Variants in ATXN7 observed in about 807,000 individuals in gnomAD.
The protein encoded by ATXN7 is ataxin 7.
ATXN7 carries 12 observed loss-of-function variants against 70.5 expected under a neutral mutation model. That is an observed-to-expected ratio of 0.17 (90% CI 0.11 to 0.28). The LOEUF (loss-of-function observed/expected upper bound fraction) is 0.28. Among genes scored for constraint, ATXN7 ranks in the 10% least tolerant of loss-of-function variants. The pLI, the probability that ATXN7 is intolerant of heterozygous loss-of-function variation, is 1.00. For synonymous variants in ATXN7, 498 were observed against 448.7 expected (o/e 1.11, Z -1.39); for missense variants, 1,256 against 1,131.7 (o/e 1.11, Z -1.58).
chr3:63,888,621 A>G (rs926954388), intron 1 of ATXN7, among the ~76,000 whole-genome samples: 1 of 152,136 alleles, frequency 6.6e-6, no homozygotes, highest in African/African-American at 2.4e-5. Flanking sequence ...TACTAAAAAT[A>G]CAAAAATAGC....
chr3:63,886,586 C>A (rs1003744315), intron 1 of ATXN7, among the ~76,000 whole-genome samples: 2 of 152,146 alleles, frequency 1.3e-5, no homozygotes, highest in Non-Finnish European at 2.9e-5. Flanking sequence ...ACTATACTTA[C>A]ATAAGAGGTT....
chr3:63,937,748 T>A (rs1575922400), intron 4 of ATXN7, among the ~76,000 whole-genome samples: 1 of 152,196 alleles, frequency 6.6e-6, no homozygotes, highest in East Asian at 1.9e-4. Context: ...GGTTAGGGAC[T>A]GGGATCAGGA....
At chr3:63,949,617 C>T (rs755423858) in intron 4 of ATXN7, among the ~76,000 whole-genome samples, 53 of 152,148 alleles carry the variant, frequency 3.5e-4, no homozygotes, top group African/African-American at 6.3e-4. Context: ...ATGCTGGTCT[C>T]GAACTCCTGA....
intron 4 of ATXN7, among the ~76,000 whole-genome samples, chr3:63,918,460 C>T (rs950877979): frequency 6.6e-6 from 1 of 152,132 alleles, no homozygotes; most frequent in Non-Finnish European, 1.5e-5. Flanking sequence ...TTGAAACATA[C>T]AAAGTAGAGA....
chr3:63,892,491 A>ACC (rs1553684086), intron 1 of ATXN7, among the ~76,000 whole-genome samples: 33 of 148,532 alleles, frequency 2.2e-4, no homozygotes, highest in African/African-American at 8.1e-4. Flanking sequence ...ACACACACAC[A>ACC]CACCCACACA....
At chr3:63,885,058 G>A (rs1027962643) in intron 1 of ATXN7, among the ~76,000 whole-genome samples, 1 of 152,038 alleles carries the variant, frequency 6.6e-6, no homozygotes, top group African/African-American at 2.4e-5. Flanking sequence ...CATTGGCCTG[G>A]GCAGTGACTT....
intron 1 of ATXN7, among the ~76,000 whole-genome samples, chr3:63,874,222 G>A (rs1159664432): frequency 6.6e-6 from 1 of 152,196 alleles, no homozygotes. Flanking sequence ...TTTATCCAGT[G>A]CATAGTGATC....
At chr3:63,875,631 T>C (rs1702728172) in intron 1 of ATXN7, among the ~76,000 whole-genome samples, 1 of 152,200 alleles carries the variant, frequency 6.6e-6, no homozygotes, top group African/African-American at 2.4e-5. Flanking sequence ...TCTGGCCTTT[T>C]TTATTTCTTT....
At chr3:63,923,959 G>T (rs963660143) in intron 4 of ATXN7, among the ~76,000 whole-genome samples, 1 of 152,140 alleles carries the variant, frequency 6.6e-6, no homozygotes, top group Non-Finnish European at 1.5e-5. Context: ...ATAGTTGGTG[G>T]TTAGGGGTAG....
Position 63,988,160 on chromosome 3 carries a change from T to G in ATXN7, c.1197T>G (p.Ile399Met). The G allele has an allele frequency of 2.5e-6, 4 of 1,614,070 alleles. No individual in the cohort carries two copies. Among genetic ancestry groups the G allele is most frequent in the Non-Finnish European group, 3.4e-6 (4 of 1,180,014 alleles). ...ACAAAACCAGGGAAAAGGAATTGAT[T>G]CGCCATCCGGACTCTCAGCAACCAC... ...HKNKTREKELIRHPDSQQPPQ... is the reference protein window; with the variant it reads ...HKNKTREKELMRHPDSQQPPQ... Residue 399 changes from isoleucine (I) to methionine (M), a missense_variant, in exon 9 of 13, where the codon ATT becomes ATG. Transcript: ENST00000674280.
At chr3:63,907,024 A>G (rs150409387) in intron 2 of ATXN7, among the ~76,000 whole-genome samples, 141 of 152,390 alleles carry the variant, frequency 9.3e-4, no homozygotes, top group African/African-American at 3.2e-3. Flanking sequence ...GTCTGATAGT[A>G]TAGCGTACAT....
chr3:63,901,595 A>T (rs1687656401), intron 2 of ATXN7: 1 of 152,186 alleles, frequency 6.6e-6, no homozygotes, highest in Admixed American at 6.5e-5. Context: ...TCTCTTTAAA[A>T]AAAAACAAAA....
At chr3:63,886,240 G>A (rs1033820175) in intron 1 of ATXN7, among the ~76,000 whole-genome samples, 7 of 152,182 alleles carry the variant, frequency 4.6e-5, no homozygotes, top group African/African-American at 1.7e-4. Flanking sequence ...GGTTGCCAGA[G>A]GCTGGGAGTT....
chr3:63,933,809 G>T (rs984039717), intron 4 of ATXN7, among the ~76,000 whole-genome samples: 19 of 152,114 alleles, frequency 1.2e-4, no homozygotes, highest in African/African-American at 3.6e-4. Context: ...CATTTAATGG[G>T]CAATAAAGGG....
In ATXN7 at chr3:63,959,180, C is replaced by T. The variant is rs554206805; in HGVS notation, c.499+6697C>T. ...ATAGTCGCTATCTAAAGCCAAACTC[C>T]TCCTCTTTTTGTATGAGACTCGTAG... is the stretch of plus-strand genomic sequence containing the variant. On this transcript the variant is annotated intron_variant, in intron 5 of 12. Transcript: ENST00000674280. Among the ~76,000 whole-genome samples the T allele has an allele frequency of 3.3e-5, 5 of 152,306 alleles. No homozygotes were observed. The South Asian group carries it at 1.0e-3, about 32-fold the overall frequency.
intron 4 of ATXN7, among the ~76,000 whole-genome samples, chr3:63,914,880 C>T (rs1704199461): frequency 6.6e-6 from 1 of 152,136 alleles, no homozygotes. Context: ...CGTTAAACTA[C>T]CTACTTGAGG....
intron 4 of ATXN7, among the ~76,000 whole-genome samples, chr3:63,922,788 A>G (rs1426893737): frequency 1.3e-5 from 2 of 152,082 alleles, no homozygotes; most frequent in Non-Finnish European, 2.9e-5. Context: ...TTCTTTTTGG[A>G]AACTATATAG....
intron 5 of ATXN7, among the ~76,000 whole-genome samples, chr3:63,976,294 T>G (rs1278658798): frequency 2.0e-5 from 3 of 152,160 alleles, no homozygotes; most frequent in South Asian, 2.1e-4. Context: ...TGCTTTCTTG[T>G]GGGGGGAAAG....
At chr3:63,918,830 C>T (rs1300890035) in intron 4 of ATXN7, among the ~76,000 whole-genome samples, 1 of 152,308 alleles carries the variant, frequency 6.6e-6, no homozygotes, top group East Asian at 1.9e-4. Flanking sequence ...GCCTCAGCAT[C>T]ACCTCGTGCT....
Sources: gnomAD v4.1 joint callset for allele counts (sites outside exome capture counted in the v4.1 genomes callset) on GRCh38, gnomAD v4.1.1 for gene constraint, MANE v1.5 for transcripts, NCBI Gene and HGNC (gene_info 2026-07-23, HGNC 2026-07-21) for gene names.